Variants in SNTG1 observed in about 807,000 individuals in gnomAD.
SNTG1 encodes the protein syntrophin gamma 1.
SNTG1 carries 39 observed loss-of-function variants against 74.7 expected under a neutral mutation model. The ratio of observed to expected loss-of-function variants is 0.52; its 90% CI spans 0.40 to 0.68. SNTG1 has a LOEUF of 0.68. Among genes scored for constraint, SNTG1 ranks in the 30% least tolerant of loss-of-function variants. The probability of loss-of-function intolerance (pLI) is 0.00; values close to 1 mark genes in which losing one functional copy is unlikely to be tolerated. For synonymous variants in SNTG1, 254 were observed against 217.1 expected, an observed-to-expected ratio of 1.17 and a Z score of -1.49; for missense variants, 685 against 609.5, an observed-to-expected ratio of 1.12 and a Z score of -1.30.
At position 50,288,366 on chromosome 8, in the gene SNTG1, C is replaced by T. The variant is rs541601269; in HGVS notation, c.-27-105846C>T. The stretch of plus-strand genomic sequence containing the variant: ...AATTAAATATTTCTAAATGGCAGGA[C>T]GTTGATTTACTGGTCTAATTGGTTT... On this transcript the variant is annotated intron_variant, in intron 2 of 18. Transcript: ENST00000642720. Among the ~76,000 whole-genome samples the T allele has an allele frequency of 6.6e-5, 10 of 152,196 alleles. No homozygotes were observed. The South Asian group carries it at 1.0e-3, about 16-fold the overall frequency.
intron 8 of SNTG1, among the ~76,000 whole-genome samples, chr8:50,485,361 T>A (rs993825259): frequency 2.3e-4 from 35 of 152,124 alleles, no homozygotes; most frequent in Non-Finnish European, 4.6e-4. Context: ...GGGCCAGGGT[T>A]TTTTACATAA....
chr8:50,034,839 C>T (rs771196054), intron 1 of SNTG1, among the ~76,000 whole-genome samples: 15 of 152,174 alleles, frequency 9.9e-5, no homozygotes, highest in Non-Finnish European at 1.9e-4. Flanking sequence ...TGAGAAGCTT[C>T]GTCTAGTGTT....
At chr8:50,527,452 TTTATAATACATC>T (rs2094230364) in intron 9 of SNTG1, among the ~76,000 whole-genome samples, 1 of 152,144 alleles carries the variant, frequency 6.6e-6, no homozygotes, top group Admixed American at 6.5e-5. Context: ...TATGTTTACA[TTTATAATACATC>T]TTATATTTTT....
At chr8:50,524,939 C>T (rs1231492857) in intron 9 of SNTG1, among the ~76,000 whole-genome samples, 1 of 151,992 alleles carries the variant, frequency 6.6e-6, no homozygotes, top group Non-Finnish European at 1.5e-5. Context: ...CTTCATTATT[C>T]TGTATTTGTC....
intron 2 of SNTG1, among the ~76,000 whole-genome samples, chr8:50,235,396 C>G (rs1452661718): frequency 6.6e-6 from 1 of 152,144 alleles, no homozygotes; most frequent in Non-Finnish European, 1.5e-5. Flanking sequence ...AAACCTTGTT[C>G]TCATAAATAG....
chr8:50,659,315 T>C (rs1276376095), intron 15 of SNTG1, among the ~76,000 whole-genome samples: 2 of 152,144 alleles, frequency 1.3e-5, no homozygotes, highest in Non-Finnish European at 2.9e-5. Flanking sequence ...TGAAGACTAA[T>C]ATATATTCAC....
chr8:50,773,090 C>A (rs1195329795), intron 18 of SNTG1, among the ~76,000 whole-genome samples: 2 of 152,108 alleles, frequency 1.3e-5, no homozygotes, highest in African/African-American at 2.4e-5. Context: ...TATAGCAACA[C>A]AAACGGACTA....
intron 12 of SNTG1, among the ~76,000 whole-genome samples, chr8:50,564,797 G>A (rs142663315): frequency 1.3e-3 from 199 of 152,034 alleles, no homozygotes; most frequent in African/African-American, 4.4e-3. Context: ...ATACAATGAG[G>A]ACTTCAAATG....
chr8:50,027,559 C>G (rs1026543827), intron 1 of SNTG1, among the ~76,000 whole-genome samples: 9 of 152,148 alleles, frequency 5.9e-5, no homozygotes, highest in African/African-American at 4.8e-5. Flanking sequence ...GAGGCAGAAA[C>G]AGGAGTGATG....
At chr8:50,445,547 G>A (rs72642370) in intron 5 of SNTG1, among the ~76,000 whole-genome samples, 6,725 of 152,166 alleles carry the variant, frequency 0.044, 221 homozygotes, top group Middle Eastern at 0.082. Context: ...GCTTTAGATG[G>A]AATTATACAT....
intron 1 of SNTG1, among the ~76,000 whole-genome samples, chr8:50,020,716 T>C (rs1211447165): frequency 6.6e-6 from 1 of 152,144 alleles, no homozygotes; most frequent in African/African-American, 2.4e-5. Context: ...ATTGATGATT[T>C]GTAATCTGAG....
chr8:50,042,948 G>A (rs1818770278), intron 1 of SNTG1, among the ~76,000 whole-genome samples: 1 of 152,044 alleles, frequency 6.6e-6, no homozygotes, highest in South Asian at 2.1e-4. Flanking sequence ...AAAGATTTTG[G>A]CTTGTGTCCA....
intron 2 of SNTG1, among the ~76,000 whole-genome samples, chr8:50,321,678 T>C (rs1206091176): frequency 1.3e-5 from 2 of 152,084 alleles, no homozygotes; most frequent in African/African-American, 4.8e-5. Context: ...TTTCAATATT[T>C]GTATACTTGT....
intron 8 of SNTG1, among the ~76,000 whole-genome samples, chr8:50,464,629 C>T (rs1463018719): frequency 6.6e-6 from 1 of 151,868 alleles, no homozygotes; most frequent in Non-Finnish European, 1.5e-5. Flanking sequence ...GATCACCGAT[C>T]ATCAAGAGGC....
At chr8:50,496,266 T>C (rs2093903459) in intron 8 of SNTG1, among the ~76,000 whole-genome samples, 1 of 152,142 alleles carries the variant, frequency 6.6e-6, no homozygotes, top group African/African-American at 2.4e-5. Context: ...TCTCTTAAGA[T>C]CAAAATCTTA....
chr8:50,734,926 TAC>T (rs2095523950), intron 17 of SNTG1, among the ~76,000 whole-genome samples: 2 of 142,358 alleles, frequency 1.4e-5, no homozygotes, highest in African/African-American at 5.1e-5. Flanking sequence ...TATGTCCATA[TAC>T]ATATATAGAT....
At chr8:50,493,911 T>C (rs1327442564) in intron 8 of SNTG1, among the ~76,000 whole-genome samples, 1 of 151,736 alleles carries the variant, frequency 6.6e-6, no homozygotes, top group Non-Finnish European at 1.5e-5. Flanking sequence ...TTTGATGAGT[T>C]CCAGCAAATA....
intron 2 of SNTG1, among the ~76,000 whole-genome samples, chr8:50,371,940 A>G (rs915720110): frequency 4.6e-5 from 7 of 152,020 alleles, no homozygotes; most frequent in Non-Finnish European, 1.0e-4. Context: ...TCTCCTGTAG[A>G]CGGCATGTAG....
intron 18 of SNTG1, among the ~76,000 whole-genome samples, chr8:50,766,604 G>A (rs559312131): frequency 6.6e-6 from 1 of 151,916 alleles, no homozygotes; most frequent in African/African-American, 2.4e-5. Flanking sequence ...TTATTTTGGG[G>A]GTAGAAGCAA....
Sources: allele counts gnomAD v4.1 joint callset (sites outside exome capture counted in the v4.1 genomes callset), GRCh38; gene constraint gnomAD v4.1.1; transcripts MANE v1.5; gene names NCBI Gene and HGNC (gene_info 2026-07-23, HGNC 2026-07-21).